The following BMAL2 variants were observed in gnomAD, a reference collection of about 807,000 sequenced individuals.
The protein encoded by BMAL2 is basic helix-loop-helix ARNT like 2.
chr12:27,423,906 T>C, the BMAL2 span: 2 of 152,196 alleles, frequency 1.3e-5, no homozygotes, highest in Non-Finnish European at 2.9e-5. Flanking sequence ...TAGCCACATG[T>C]GGCTACTGAG....
At chr12:27,341,105 T>A in the BMAL2 span, among the ~76,000 whole-genome samples, 1 of 151,310 alleles carries the variant, frequency 6.6e-6, no homozygotes, top group Non-Finnish European at 1.5e-5. Context: ...TATTTCTTCC[T>A]CTTGACTGAT....
the BMAL2 span, among the ~76,000 whole-genome samples, chr12:27,361,832 G>C: frequency 6.6e-6 from 1 of 152,058 alleles, no homozygotes; most frequent in Non-Finnish European, 1.5e-5. Flanking sequence ...TACTGACATA[G>C]AGTCAATGGA....
chr12:27,399,330 T>G, the BMAL2 span, among the ~76,000 whole-genome samples: 1 of 152,138 alleles, frequency 6.6e-6, no homozygotes, highest in Admixed American at 6.5e-5. Flanking sequence ...TATTTGAACA[T>G]CTTTGGTGAC....
the BMAL2 span, among the ~76,000 whole-genome samples, chr12:27,410,417 A>G: frequency 1.3e-5 from 2 of 152,248 alleles, no homozygotes; most frequent in East Asian, 1.9e-4. Flanking sequence ...GTGCAGCCAT[A>G]AAAAATGATG....
the BMAL2 span, among the ~76,000 whole-genome samples, chr12:27,360,803 C>CAAAAAAAAAAAAAAATAAAAA: frequency 4.3e-5 from 2 of 46,788 alleles, 1 homozygote; most frequent in Admixed American, 8.1e-4. Flanking sequence ...GTGATTTGTC[C>CAAAAAAAAAAAAAAATAAAAA]AAAAAAAAAA....
At chr12:27,333,305 C>T in the BMAL2 span, among the ~76,000 whole-genome samples, 7 of 151,912 alleles carry the variant, frequency 4.6e-5, no homozygotes, top group Non-Finnish European at 7.4e-5. Flanking sequence ...GCGCCCGGCG[C>T]GTCCTCCCGG....
At chr12:27,369,348 C>T in the BMAL2 span, among the ~76,000 whole-genome samples, 1 of 151,934 alleles carries the variant, frequency 6.6e-6, no homozygotes, top group Non-Finnish European at 1.5e-5. Context: ...CACATGCTAG[C>T]TCTTTTTAAC....
At chr12:27,420,019 G>GCGCGCGCGCACACA in the BMAL2 span, among the ~76,000 whole-genome samples, 1,094 of 147,554 alleles carry the variant, frequency 7.4e-3, 18 homozygotes, top group East Asian at 0.078. Context: ...GTTTGCGCGT[G>GCGCGCGCGCACACA]CACACACACA....
chr12:27,415,811 G>T, the BMAL2 span: 3 of 1,223,484 alleles, frequency 2.5e-6, no homozygotes, highest in Middle Eastern at 2.4e-4. Context: ...ATTTAGAGGA[G>T]AAAATTTCCT....
chr12:27,374,270 GA>G, the BMAL2 span, among the ~76,000 whole-genome samples: 10 of 144,994 alleles, frequency 6.9e-5, no homozygotes, highest in South Asian at 2.2e-4. Flanking sequence ...AAAATATCCA[GA>G]AAAAAAAAAG....
chr12:27,417,544 A>T, the BMAL2 span, among the ~76,000 whole-genome samples: 2 of 152,120 alleles, frequency 1.3e-5, no homozygotes, highest in African/African-American at 4.8e-5. Flanking sequence ...CCTCAGATTT[A>T]TGATGTGTAA....
the BMAL2 span, among the ~76,000 whole-genome samples, chr12:27,358,992 A>G: frequency 7.0e-6 from 1 of 142,236 alleles, no homozygotes; most frequent in African/African-American, 3.1e-5. Context: ...TCTTAAAGTA[A>G]TGTGTCAATG....
chr12:27,397,062 G>C, the BMAL2 span, among the ~76,000 whole-genome samples: 1 of 147,186 alleles, frequency 6.8e-6, no homozygotes, highest in African/African-American at 2.7e-5. Context: ...TTGTTTGTTT[G>C]TTTGTTTGTT....
At chr12:27,404,866 G>C in the BMAL2 span, among the ~76,000 whole-genome samples, 5 of 152,214 alleles carry the variant, frequency 3.3e-5, no homozygotes, top group Non-Finnish European at 7.3e-5. Flanking sequence ...AGGGGTGACA[G>C]ATGGGCACCT....
the BMAL2 span, among the ~76,000 whole-genome samples, chr12:27,333,482 A>G: frequency 5.9e-5 from 9 of 152,244 alleles, no homozygotes; most frequent in Non-Finnish European, 1.3e-4. Flanking sequence ...CGGCGTCGGC[A>G]TGGCATGCAC....
At chr12:27,411,235 C>G in the BMAL2 span, among the ~76,000 whole-genome samples, 1 of 152,092 alleles carries the variant, frequency 6.6e-6, no homozygotes, top group Non-Finnish European at 1.5e-5. Context: ...TCAAGCGATC[C>G]TCCTGCCTCA....
the BMAL2 span, among the ~76,000 whole-genome samples, chr12:27,404,189 A>C: frequency 7.0e-6 from 1 of 143,658 alleles, no homozygotes. Context: ...TGTCTCAAAA[A>C]AAAAAAAAAA....
At chr12:27,383,551 C>T in the BMAL2 span, among the ~76,000 whole-genome samples, 1 of 152,250 alleles carries the variant, frequency 6.6e-6, no homozygotes, top group Non-Finnish European at 1.5e-5. Context: ...ACTCACTCAC[C>T]GAGTCAGGGC....
the BMAL2 span, chr12:27,402,605 G>GT: frequency 6.2e-7 from 1 of 1,604,690 alleles, no homozygotes; most frequent in Non-Finnish European, 8.5e-7. Context: ...CACCTATGGT[G>GT]TTTTTAATTC....
Sources: gnomAD v4.1 joint callset for allele counts (sites outside exome capture counted in the v4.1 genomes callset) on GRCh38, gnomAD v4.1.1 for gene constraint, MANE v1.5 for transcripts, NCBI Gene and HGNC (gene_info 2026-07-23, HGNC 2026-07-21) for gene names.